The following SRGAP2B variants were observed in gnomAD, a reference collection of about 807,000 sequenced individuals.
The protein encoded by SRGAP2B is SLIT-ROBO Rho GTPase-activating protein 2B.
In SRGAP2B, 9 loss-of-function variants were observed where a neutral mutation model predicts 22.2. That is an observed-to-expected ratio of 0.41 (90% CI 0.24 to 0.71). SRGAP2B has a LOEUF of 0.71. Among genes scored for constraint, SRGAP2B ranks in the 30% least tolerant of loss-of-function variants. The pLI, the probability that SRGAP2B is intolerant of heterozygous loss-of-function variation, is 0.35. For synonymous variants in SRGAP2B, 36 were observed against 87.4 expected (o/e 0.41, Z 3.28); for missense variants, 114 against 235.8 (o/e 0.48, Z 3.38).
chr1:144,987,295 C>T (rs1399740053), intron 3 of SRGAP2B, among the ~76,000 whole-genome samples: 1 of 151,764 alleles, frequency 6.6e-6, no homozygotes. Flanking sequence ...CACTTCCCAG[C>T]CTCCCTTGCA....
intron 2 of SRGAP2B, among the ~76,000 whole-genome samples, chr1:145,068,963 ATC>A (rs781880280): frequency 7.0e-6 from 1 of 142,082 alleles, no homozygotes; most frequent in East Asian, 2.1e-4. Context: ...GTATATATAT[ATC>A]TCTCTCTCAA....
At chr1:144,954,621 G>A (rs1667126402) in intron 4 of SRGAP2B, among the ~76,000 whole-genome samples, 2 of 150,658 alleles carry the variant, frequency 1.3e-5, no homozygotes, top group African/African-American at 5.0e-5. Context: ...CCAACCTCAT[G>A]AATAAATGAT....
At chr1:145,068,965 C>A (rs61825001) in intron 2 of SRGAP2B, among the ~76,000 whole-genome samples, 22 of 146,582 alleles carry the variant, frequency 1.5e-4, no homozygotes, top group African/African-American at 3.5e-4. Context: ...ATATATATAT[C>A]TCTCTCTCAA....
chr1:145,044,883 T>TC lies in SRGAP2B; in HGVS notation c.67+47951dup, dbSNP rs587713320. Among the ~76,000 whole-genome samples the TC allele has an allele frequency of 6.1e-4, 91 of 148,996 alleles. No homozygotes were observed. In the South Asian group the frequency reaches 0.018, roughly 30 times the overall value. On this transcript the variant is annotated intron_variant, in intron 2 of 9. Coordinates refer to ENST00000612199, the Ensembl canonical transcript of SRGAP2B. ...ATGTTGCCCAGCACTTGATCTAGAA[T>TC]CCTAGATTCTAGGTCTGGGTAGTAG...
chr1:144,968,736 AG>A (rs1405556502), intron 3 of SRGAP2B, among the ~76,000 whole-genome samples: 4 of 106,180 alleles, frequency 3.8e-5, no homozygotes, highest in Non-Finnish European at 7.2e-5. Flanking sequence ...TTGTTTATCT[AG>A]AAAACCCCAT....
At chr1:144,995,045 G>T (rs1553618210) in exon 3 of SRGAP2B, 2 of 1,544,468 alleles carry the variant, frequency 1.3e-6, no homozygotes, top group South Asian at 2.4e-5. Flanking sequence ...GTCTTGGCCA[G>T]GAAGCGTTCT....
chr1:144,909,770 A>G (rs1408204335), intron 5 of SRGAP2B, among the ~76,000 whole-genome samples: 2 of 150,300 alleles, frequency 1.3e-5, no homozygotes, highest in Admixed American at 6.6e-5. Flanking sequence ...TCTATGTTAA[A>G]TTTTGAGATG....
In SRGAP2B at chr1:144,998,888, G is replaced by A. The variant is rs1362434311; in HGVS notation, c.68-3688C>T. Among the ~76,000 whole-genome samples the A allele has an allele frequency of 4.0e-5, 6 of 150,976 alleles. No homozygotes were observed. The East Asian group carries it at 9.7e-4, about 24-fold the overall frequency. ...GGCAGCTATGCTGGCCCCAGTCCCC[G>A]TTCATGCACACAAGGGGCAGGAAAC... is the stretch of plus-strand genomic sequence containing the variant. On this transcript the variant is annotated intron_variant, in intron 2 of 9. Coordinates refer to ENST00000612199, the Ensembl canonical transcript of SRGAP2B.
At chr1:144,927,372 C>T (rs1224773811) in intron 4 of SRGAP2B, among the ~76,000 whole-genome samples, 1 of 150,774 alleles carries the variant, frequency 6.6e-6, no homozygotes, top group Non-Finnish European at 1.5e-5. Context: ...TAGTGCAAGT[C>T]TGCTGGTGAT....
chr1:144,990,834 C>T (rs1264520002), intron 3 of SRGAP2B, among the ~76,000 whole-genome samples: 2 of 151,404 alleles, frequency 1.3e-5, no homozygotes, highest in South Asian at 2.1e-4. Context: ...CCAGCAGTGC[C>T]GGCCCATCGG....
intron 2 of SRGAP2B, among the ~76,000 whole-genome samples, chr1:145,068,202 C>CAAA (rs75504567): frequency 4.5e-4 from 7 of 15,576 alleles, no homozygotes; most frequent in African/African-American, 1.2e-3. Context: ...GACTCCGTCT[C>CAAA]AAAAAAAAAA....
chr1:145,044,711 A>AAGACAAG (rs1296271106), intron 2 of SRGAP2B, among the ~76,000 whole-genome samples: 1 of 68,868 alleles, frequency 1.5e-5, no homozygotes, highest in African/African-American at 6.9e-5. Context: ...CAGAAAAAGC[A>AAGACAAG]AGACAAGACA....
intron 3 of SRGAP2B, among the ~76,000 whole-genome samples, chr1:144,985,310 G>A (rs1289237450): frequency 7.2e-6 from 1 of 139,782 alleles, no homozygotes; most frequent in Non-Finnish European, 1.5e-5. Flanking sequence ...TGGGAGAAAC[G>A]CTGAAAAGAT....
Position 144,996,105 on chromosome 1 carries a change from G to C in SRGAP2B, c.68-905C>G, listed in dbSNP as rs587599000. Among the ~76,000 whole-genome samples, 41 of 151,412 alleles carry C rather than the reference G, an allele frequency of 2.7e-4. 1 individual carries two copies. The South Asian group carries it at 8.3e-3, about 31-fold the overall frequency. ...ACACTCTCTCTGGAACTGCTGCAAA[G>C]GCAGCTATAGATGCAAACAGATCTG... On this transcript the variant is annotated intron_variant, in intron 2 of 9. Transcript: ENST00000612199.
exon 7 of SRGAP2B, chr1:144,905,167 T>A: frequency 1.3e-6 from 1 of 777,042 alleles, no homozygotes; most frequent in Non-Finnish European, 2.4e-6. Context: ...CAGCAAGTAC[T>A]CATTCCGGGC....
chr1:144,956,738 G>A (rs1458856313), intron 3 of SRGAP2B, among the ~76,000 whole-genome samples: 15 of 150,030 alleles, frequency 1.0e-4, no homozygotes, highest in Admixed American at 3.3e-4. Flanking sequence ...GTGAGCCACC[G>A]CGCCCGGCCC....
At chr1:144,933,056 C>T (rs1201316377) in intron 4 of SRGAP2B, among the ~76,000 whole-genome samples, 1 of 151,660 alleles carries the variant, frequency 6.6e-6, no homozygotes, top group Non-Finnish European at 1.5e-5. Flanking sequence ...GGCATCACTG[C>T]TCATCAGTAC....
chr1:145,083,413 C>CA (rs750815516), intron 2 of SRGAP2B, among the ~76,000 whole-genome samples: 26 of 64,456 alleles, frequency 4.0e-4, no homozygotes, highest in Non-Finnish European at 4.9e-4. Context: ...ACGATGTTAG[C>CA]AAAAAAAAAA....
At chr1:144,975,018 G>T (rs1303098756) in intron 3 of SRGAP2B, among the ~76,000 whole-genome samples, 2 of 147,326 alleles carry the variant, frequency 1.4e-5, no homozygotes, top group African/African-American at 5.4e-5. Flanking sequence ...CTTAGAGACA[G>T]GGCTGGTCCA....
Sources: gnomAD v4.1 joint callset for allele counts (sites outside exome capture counted in the v4.1 genomes callset) on GRCh38, gnomAD v4.1.1 for gene constraint, MANE v1.5 for transcripts, NCBI Gene and HGNC (gene_info 2026-07-23, HGNC 2026-07-21) for gene names.